RAB31: variants seen among roughly 807,000 people sequenced by gnomAD.
The protein encoded by RAB31 is RAB31, member RAS oncogene family.
RAB31 carries 21 observed loss-of-function variants against 25.6 expected under a neutral mutation model. The ratio of observed to expected loss-of-function variants is 0.82; its 90% confidence interval spans 0.58 to 1.18. The LOEUF is 1.18. RAB31 is among the 50% of genes most tolerant of loss of function. The probability of loss-of-function intolerance (pLI) is 0.00; values close to 1 mark genes in which losing one functional copy is unlikely to be tolerated. For synonymous variants in RAB31, 87 were observed against 84.0 expected, an observed-to-expected ratio of 1.04 and a Z score of -0.20; for missense variants, 196 against 250.1, an observed-to-expected ratio of 0.78 and a Z score of 1.46.
At chr18:9,733,831 C>T (rs957105537) in intron 1 of RAB31, among the ~76,000 whole-genome samples, 1 of 151,754 alleles carries the variant, frequency 6.6e-6, no homozygotes, top group African/African-American at 2.4e-5. Flanking sequence ...TTCTAGTGAT[C>T]CTTGAAATTT....
At chr18:9,740,073 C>G (rs1346519509) in intron 1 of RAB31, among the ~76,000 whole-genome samples, 1 of 152,202 alleles carries the variant, frequency 6.6e-6, no homozygotes, top group Non-Finnish European at 1.5e-5. Context: ...TCTAGTTAGA[C>G]CAGCCTAATG....
chr18:9,712,383 C>T (rs776265040), intron 1 of RAB31, among the ~76,000 whole-genome samples: 2 of 152,344 alleles, frequency 1.3e-5, no homozygotes, highest in Admixed American at 6.5e-5. Context: ...GGAAGTCAGC[C>T]GTGCAGGAGG....
intron 3 of RAB31, among the ~76,000 whole-genome samples, chr18:9,811,567 G>C (rs1200089332): frequency 2.0e-5 from 3 of 152,070 alleles, no homozygotes; most frequent in Non-Finnish European, 4.4e-5. Flanking sequence ...CAGCTGCTTT[G>C]TTCAAAACTT....
chr18:9,820,777 A>T (rs1027938658), intron 5 of RAB31, among the ~76,000 whole-genome samples: 2 of 151,920 alleles, frequency 1.3e-5, no homozygotes, highest in Non-Finnish European at 1.5e-5. Context: ...GAAATTTGAA[A>T]CTTCTCTCTT....
intron 2 of RAB31, among the ~76,000 whole-genome samples, chr18:9,789,039 C>A (rs1428674555): frequency 1.3e-5 from 2 of 152,122 alleles, no homozygotes; most frequent in African/African-American, 4.8e-5. Context: ...CACTGGAATA[C>A]TATTCAGCCA....
intron 6 of RAB31, among the ~76,000 whole-genome samples, chr18:9,848,562 T>C (rs781680726): frequency 2.6e-5 from 4 of 152,230 alleles, no homozygotes; most frequent in Admixed American, 6.5e-5. Context: ...CAAGTACACC[T>C]AAATATACTG....
In RAB31 at chr18:9,742,367, C is replaced by T. The variant is rs116149914; in HGVS notation, c.40-32911C>T. Among the ~76,000 whole-genome samples the T allele has an allele frequency of 4.4e-3, 668 of 152,166 alleles. 6 individuals carry two copies. Among genetic ancestry groups the T allele is most frequent in the African/African-American group, 0.015 (634 of 41,492 alleles). On this transcript the variant is annotated intron_variant, in intron 1 of 6. Transcript: ENST00000578921. ...GGAACAGTCCTCCCATTTGTCTGGG[C>T]GGATGGTCCGGAAGAGCAAAGACAT...
At chr18:9,732,175 T>C (rs2068126246) in intron 1 of RAB31, among the ~76,000 whole-genome samples, 1 of 152,214 alleles carries the variant, frequency 6.6e-6, no homozygotes, top group African/African-American at 2.4e-5. Context: ...TCATCCAGCA[T>C]GGGCTCTGCT....
chr18:9,773,048 G>A (rs1599032614), intron 1 of RAB31, among the ~76,000 whole-genome samples: 1 of 152,096 alleles, frequency 6.6e-6, no homozygotes, highest in African/African-American at 2.4e-5. Flanking sequence ...TCTGTGCATC[G>A]ATTTGCACGA....
chr18:9,817,096 A>G (rs895033944), intron 5 of RAB31, among the ~76,000 whole-genome samples: 1 of 152,082 alleles, frequency 6.6e-6, no homozygotes, highest in African/African-American at 2.4e-5. Context: ...CGTTACTGTA[A>G]TCCTCAAACA....
rs1401488108 is a variant in RAB31 at position 9,860,670 on chromosome 18, A to G, written c.*1345A>G. 6.6e-6 allele frequency: 1 copy of G among 152,216 alleles called. No homozygotes were observed. Among genetic ancestry groups the G allele is most frequent in the African/African-American group, 2.4e-5 (1 of 41,452 alleles). 9.4% of individuals were successfully genotyped at this position (152,216 alleles called of 1,614,324 possible). ...TATTAGGGGGTGATTCTTAAAGGAC[A>G]TTAGGATTGGTGCTCAGAAATGGTT... is the stretch of plus-strand genomic sequence containing the variant. On this transcript the variant is annotated 3_prime_UTR_variant, in exon 7 of 7. Coordinates refer to ENST00000578921, the MANE Select transcript of RAB31 (RefSeq NM_006868.4).
intron 6 of RAB31, 96 bp from the exon 7 acceptor site, chr18:9,859,132 A>G: frequency 9.9e-7 from 1 of 1,008,920 alleles, no homozygotes; most frequent in Non-Finnish European, 1.4e-6. Flanking sequence ...TTTTGTGCAC[A>G]GCCCAAAGCA....
intron 1 of RAB31, among the ~76,000 whole-genome samples, chr18:9,721,290 A>G (rs1242104988): frequency 6.6e-6 from 1 of 152,174 alleles, no homozygotes; most frequent in Non-Finnish European, 1.5e-5. Flanking sequence ...CTAAGGAGAA[A>G]ATAACCGATG....
chr18:9,835,523 A>G (rs982753922), intron 5 of RAB31, among the ~76,000 whole-genome samples: 2 of 152,226 alleles, frequency 1.3e-5, no homozygotes, highest in Admixed American at 6.5e-5. Context: ...AGAACCTGAC[A>G]CTGCTCGTTT....
chr18:9,782,858 G>A (rs2145494972), intron 2 of RAB31, among the ~76,000 whole-genome samples: 1 of 152,140 alleles, frequency 6.6e-6, no homozygotes, highest in Middle Eastern at 3.4e-3. Flanking sequence ...CACCACACCT[G>A]GCTGTTTTTA....
At chr18:9,859,137 A>AAATACT (rs10695443) in intron 6 of RAB31, 91 bp from the exon 7 acceptor site, 2 of 1,072,336 alleles carry the variant, frequency 1.9e-6, no homozygotes, top group Admixed American at 4.2e-5. Context: ...TGCACAGCCC[A>AAATACT]AAGCAGGAGT....
chr18:9,853,954 TTTTCTTTTC>T (rs1244239299), intron 6 of RAB31, among the ~76,000 whole-genome samples: 5 of 129,668 alleles, frequency 3.9e-5, no homozygotes, highest in East Asian at 5.1e-4. Context: ...TTTTCTTTTC[TTTTCTTTTC>T]TTTTTTTTTT....
rs35363534 is a variant in RAB31 at position 9,739,544 on chromosome 18, T to TA, written c.39+31115dup. ...TACTGCTTAGGAAGATGTAATGTGC[T>TA]AAAAAAAAAAAAAAAGTAAACAAAC... is the stretch of plus-strand genomic sequence containing the variant. On this transcript the variant is annotated intron_variant, in intron 1 of 6. Coordinates refer to ENST00000578921, the MANE Select transcript of RAB31 (RefSeq NM_006868.4). Among the ~76,000 whole-genome samples the TA allele has an allele frequency of 1.5e-3, 217 of 148,416 alleles. 1 individual carries two copies. Among genetic ancestry groups the TA allele is most frequent in the Non-Finnish European group, 1.7e-3 (116 of 66,926 alleles).
At chr18:9,807,402 C>T (rs934601123) in intron 3 of RAB31, among the ~76,000 whole-genome samples, 5 of 151,582 alleles carry the variant, frequency 3.3e-5, no homozygotes, top group East Asian at 2.0e-4. Flanking sequence ...TTTCTGTGAT[C>T]GTCATGGCCA....
Sources: gnomAD v4.1 joint callset for allele counts (sites outside exome capture counted in the v4.1 genomes callset) on GRCh38, gnomAD v4.1.1 for gene constraint, MANE v1.5 for transcripts, NCBI Gene and HGNC (gene_info 2026-07-23, HGNC 2026-07-21) for gene names.